The following INTS7 variants were observed in gnomAD, a reference collection of about 807,000 sequenced individuals.
INTS7 encodes chromosome 1 open reading frame 73.
Under a neutral mutation model 109.2 loss-of-function variants are expected in INTS7, and 46 were observed. The observed-to-expected ratio is 0.42, with a 90% CI of 0.33 to 0.54. The LOEUF is 0.54. INTS7 is among the 20% of genes least tolerant of loss of function. The pLI, the probability that INTS7 is intolerant of heterozygous loss-of-function variation, is 0.07. For missense variants in INTS7, 929 were observed against 1,132.4 expected (o/e 0.82, Z 2.58); for synonymous variants, 412 against 402.9 (o/e 1.02, Z -0.27).
chr1:211,943,077 C>G (rs1172290822), intron 19 of INTS7, among the ~76,000 whole-genome samples: 1 of 152,034 alleles, frequency 6.6e-6, no homozygotes. Context: ...ATTTATAGTA[C>G]AGGTACTTTT....
At chr1:211,974,276 AATATATATATATATATAT>A (rs58474002) in intron 13 of INTS7, among the ~76,000 whole-genome samples, 3 of 92,420 alleles carry the variant, frequency 3.2e-5, no homozygotes, top group East Asian at 5.7e-4. Context: ...AGAAAAAAAA[AATATATATATATATATAT>A]ATATATATAT....
Position 212,021,070 on chromosome 1 carries a change from TAA to T in INTS7, c.224+11_224+12del. The T allele has an allele frequency of 6.3e-7, 1 of 1,589,572 alleles. No individual in the cohort carries two copies. The highest frequency in any genetic ancestry group is 8.5e-7 in the Non-Finnish European group (1 of 1,171,590). On this transcript the variant is annotated intron_variant, in intron 2 of 19. Coordinates refer to ENST00000366994, the MANE Select transcript of INTS7 (RefSeq NM_015434.4). Reference sequence around the variant, plus strand: ...AAAGTACTTTAGGACATCGAGAATTTAAAAAGACTTACCCAACTCTGAAAACA... The same window carrying T: ...AAAGTACTTTAGGACATCGAGAATTTAAAGACTTACCCAACTCTGAAAACA...
chr1:211,941,850 G>C lies in INTS7; in HGVS notation c.2863C>G (p.Gln955Glu). The change falls in exon 20 of 20, where the codon CAA becomes GAA. Residue 955 changes from glutamine to glutamate, a missense_variant. Physicochemically the swap from Gln to Glu is conservative, Grantham distance 29. This residue lies in a region of INTS7 where 787 missense variants were observed against 901.1 expected (regional missense o/e 0.87). Transcript: ENST00000366994. ...TAAAACCGTGTGTAGGCATTGCGTTGCTGCTGCTGCTGTAATGGCTGCTGG... is the reference window on the plus strand; with the variant it reads ...TAAAACCGTGTGTAGGCATTGCGTTCCTGCTGCTGCTGTAATGGCTGCTGG... ...QAQQPLQQQQQRNAYTRF is the reference protein window; with the variant it reads ...QAQQPLQQQQERNAYTRF The C allele has an allele frequency of 6.2e-7, 1 of 1,612,884 alleles. No homozygotes were observed. Among genetic ancestry groups the C allele is most frequent in the Non-Finnish European group, 8.5e-7 (1 of 1,179,028 alleles).
intron 4 of INTS7, among the ~76,000 whole-genome samples, chr1:212,014,413 C>T (rs1034333066): frequency 1.2e-4 from 16 of 130,024 alleles, no homozygotes; most frequent in African/African-American, 4.2e-4. Context: ...TGCTGTGACC[C>T]GAGATTGCGC....
chr1:212,028,842 G>A (rs1237469809), intron 1 of INTS7, among the ~76,000 whole-genome samples: 1 of 152,136 alleles, frequency 6.6e-6, no homozygotes, highest in Non-Finnish European at 1.5e-5. Flanking sequence ...TGAAAGGTGA[G>A]GAAACAGGCA....
chr1:211,966,352 A>G, intron 16 of INTS7, 78 bp downstream of exon 16: 1 of 836,466 alleles, frequency 1.2e-6, no homozygotes, highest in South Asian at 1.6e-5. Context: ...CTAGCTCCAA[A>G]ATAGTCTTCT....
chr1:211,975,272 T>C lies in INTS7; in HGVS notation c.1709A>G (p.His570Arg). The C allele has an allele frequency of 1.2e-6, 2 of 1,613,936 alleles. No individual in the cohort carries two copies. The highest frequency in any genetic ancestry group is 2.7e-5 in the African/African-American group (2 of 75,066). ...CAACCCAGTGAGACACTGTTCTGCA[T>C]GTGAAAACTCCTTCAAACTATTTAG... is the stretch of plus-strand genomic sequence containing the variant. ...FWLNSLKEFSHAEQCLTGLQE... is the reference protein window; with the variant it reads ...FWLNSLKEFSRAEQCLTGLQE... The change falls in exon 13 of 20, where the codon CAT becomes CGT. Residue 570 changes from histidine to arginine, a missense_variant. His to Arg is a conservative substitution (Grantham distance 29). Coordinates refer to ENST00000366994, the MANE Select transcript of INTS7 (RefSeq NM_015434.4).
Position 211,944,850 on chromosome 1 carries a change from G to A in INTS7, c.2535C>T (p.Arg845=). 1 of 1,614,168 alleles carries A rather than the reference G, an allele frequency of 6.2e-7. No homozygotes were observed. The highest frequency in any genetic ancestry group is 1.3e-5 in the African/African-American group (1 of 75,044). ...CATTCAGACAGACAGACTGAATTTTGCGGAAGAGTCCTGGTTTAGATCCGT... is the reference window on the plus strand; with the variant it reads ...CATTCAGACAGACAGACTGAATTTTACGGAAGAGTCCTGGTTTAGATCCGT... ...VQHGSKPGLF[R]KIQSVCLNVS... The change falls in exon 19 of 20, where the codon CGC becomes CGT. Residue 845 remains arginine, a synonymous_variant. Transcript: ENST00000366994.
At chr1:212,023,787 T>C (rs1666806404) in intron 1 of INTS7, among the ~76,000 whole-genome samples, 1 of 152,212 alleles carries the variant, frequency 6.6e-6, no homozygotes, top group Non-Finnish European at 1.5e-5. Flanking sequence ...GCAATTGCTT[T>C]TGAGGATTTA....
chr1:211,957,495 G>A (rs150663089), intron 16 of INTS7, among the ~76,000 whole-genome samples: 2,487 of 151,544 alleles, frequency 0.016, 21 homozygotes, highest in Non-Finnish European at 0.021. Flanking sequence ...GCAGTGAGCC[G>A]AGATCACACC....
At chr1:211,967,520 C>T (rs1663948232) in intron 15 of INTS7, among the ~76,000 whole-genome samples, 1 of 144,064 alleles carries the variant, frequency 6.9e-6, no homozygotes, top group Non-Finnish European at 1.5e-5. Flanking sequence ...GTGATAAAAA[C>T]TAGGACTGTT....
At chr1:212,023,842 G>A (rs114032056) in intron 1 of INTS7, among the ~76,000 whole-genome samples, 1 of 152,060 alleles carries the variant, frequency 6.6e-6, no homozygotes, top group Non-Finnish European at 1.5e-5. Context: ...AGGATTCTTA[G>A]AGTTTGAGGT....
chr1:211,974,795 AC>A (rs1239578258), intron 13 of INTS7, among the ~76,000 whole-genome samples: 1 of 152,110 alleles, frequency 6.6e-6, no homozygotes, highest in Non-Finnish European at 1.5e-5. Context: ...AAAGCAAGAA[AC>A]TTTAGTTACT....
intron 9 of INTS7, 94 bp from the exon 10 acceptor site, chr1:211,981,284 T>C (rs935853510): frequency 3.2e-5 from 22 of 695,480 alleles, no homozygotes; most frequent in Non-Finnish European, 4.9e-5. Flanking sequence ...AGAAAAAACA[T>C]TAAGGAGTTT....
chr1:211,947,435 A>C (rs545243055), intron 17 of INTS7, among the ~76,000 whole-genome samples: 1 of 152,200 alleles, frequency 6.6e-6, no homozygotes, highest in Non-Finnish European at 1.5e-5. Flanking sequence ...TGAAAGTATC[A>C]TAAGAACACT....
chr1:211,987,931 G>A lies in INTS7; in HGVS notation c.952C>T (p.Leu318=), dbSNP rs1394426517. ...KLGMLSVLST[L]SGTIAIKHYF... is the part of the protein sequence containing the mutation. ...TGTTTGATGGCGATGGTCCCTGATA[G>A]TGTGGAAAGGACAGACAACATCCCT... The change falls in exon 8 of 20, where the codon CTA becomes TTA. Residue 318 remains leucine, a synonymous_variant. Coordinates refer to ENST00000366994, the MANE Select transcript of INTS7 (RefSeq NM_015434.4). The A allele has an allele frequency of 6.2e-7, 1 of 1,612,082 alleles. No individual in the cohort carries two copies. The highest frequency in any genetic ancestry group is 1.3e-5 in the African/African-American group (1 of 74,880).
chr1:211,996,437 CA>C (rs991805526), intron 7 of INTS7, among the ~76,000 whole-genome samples: 12 of 144,926 alleles, frequency 8.3e-5, no homozygotes, highest in African/African-American at 1.3e-4. Context: ...CAAAGCAAAA[CA>C]AAAAAAAAAT....
intron 7 of INTS7, among the ~76,000 whole-genome samples, chr1:211,999,379 A>G (rs1427384360): frequency 1.3e-5 from 2 of 152,226 alleles, no homozygotes; most frequent in African/African-American, 2.4e-5. Flanking sequence ...GCCACATACC[A>G]TATGATTCTA....
At position 212,020,095 on chromosome 1, in the gene INTS7, A is replaced by T. The variant is rs368881591; in HGVS notation, c.371+27T>A. On this transcript the variant is annotated intron_variant, in intron 3 of 19. Transcript: ENST00000366994. Reference sequence around the variant, plus strand: ...ATAATTACAGTTCAAATAATCTCATAGTGAATTATTATAATACGGTATATA... The same window carrying T: ...ATAATTACAGTTCAAATAATCTCATTGTGAATTATTATAATACGGTATATA... 5.4e-5 allele frequency: 77 copies of T among 1,415,232 alleles called. No individual in the cohort carries two copies. The African/African-American group carries it at 1.0e-3, about 19-fold the overall frequency. 87.7% of individuals were successfully genotyped at this position (1,415,232 alleles called of 1,614,324 possible). A position where few individuals can be genotyped will look rare whatever the true frequency, so the allele number is the denominator to read the frequency against.
Sources: allele counts gnomAD v4.1 joint callset (sites outside exome capture counted in the v4.1 genomes callset), GRCh38; gene constraint gnomAD v4.1.1; regional missense constraint gnomAD v4.1.1; transcripts MANE v1.5; gene names NCBI Gene and HGNC (gene_info 2026-07-23, HGNC 2026-07-21).